NALF1: variants seen among roughly 807,000 people sequenced by gnomAD.
NALF1 encodes NALCN channel auxiliary factor 1.
A neutral mutation model predicts 48.4 loss-of-function variants in NALF1; 3 were observed. The observed-to-expected ratio is 0.06, with a 90% confidence interval of 0.03 to 0.16. The LOEUF is 0.16. Ranked by LOEUF, NALF1 falls within the 10% of genes least tolerant of loss-of-function variation. The pLI is 1.00. For missense variants in NALF1, 526 were observed against 571.5 expected (o/e 0.92, Z 0.81); for synonymous variants, 262 against 245.7 (o/e 1.07, Z -0.62).
chr13:107,343,767 C>T (rs965303055), intron 1 of NALF1, among the ~76,000 whole-genome samples: 3 of 151,484 alleles, frequency 2.0e-5, no homozygotes, highest in East Asian at 1.9e-4. Flanking sequence ...ATCAAAAGAA[C>T]GATCTCAAAT....
chr13:107,336,961 ATC>A (rs1882569750), intron 1 of NALF1, among the ~76,000 whole-genome samples: 2 of 150,906 alleles, frequency 1.3e-5, no homozygotes, highest in Non-Finnish European at 2.9e-5. Flanking sequence ...AATGACAGAA[ATC>A]TCTGTTAGAA....
Position 107,784,012 on chromosome 13 carries a change from G to A in NALF1, c.915+81670C>T, listed in dbSNP as rs1304542366. Reference sequence around the variant, plus strand: ...TACTATGTGCTGATTCCACACAACCGCTCCCCTCAGTGAGTGACTGAGAGA... The same window carrying A: ...TACTATGTGCTGATTCCACACAACCACTCCCCTCAGTGAGTGACTGAGAGA... On this transcript the variant is annotated intron_variant, in intron 1 of 2. Transcript: ENST00000375915. 2.6e-5 allele frequency among the ~76,000 whole-genome samples: 4 copies of A among 152,076 alleles called. No homozygotes were observed. In the East Asian group the frequency reaches 7.7e-4, roughly 29 times the overall value.
rs1213860740 is a variant in NALF1 at position 107,622,480 on chromosome 13, A to C, written c.915+243202T>G. Among the ~76,000 whole-genome samples, 102 of 151,968 alleles carry C rather than the reference A, an allele frequency of 6.7e-4. 2 individuals are homozygous for C. Among genetic ancestry groups the C allele is most frequent in the East Asian group, 9.8e-4 (5 of 5,126 alleles). ...CAAACAACAACAACAACAAAAAAAA[A>C]AAAACAGAGAGAAAAGAAAAGAAAA... On this transcript the variant is annotated intron_variant, in intron 1 of 2. Transcript: ENST00000375915.
intron 1 of NALF1, among the ~76,000 whole-genome samples, chr13:107,633,279 CAT>C (rs1419805977): frequency 1.3e-5 from 2 of 151,790 alleles, no homozygotes; most frequent in East Asian, 3.9e-4. Context: ...CTGAAAATAA[CAT>C]AAAATATTTT....
Position 107,165,040 on chromosome 13 carries a change from C to A in NALF1, c.*5457G>T, listed in dbSNP as rs1266453098. ...TCACGTACAAATACATCATTGACCT[C>A]CCTGTGTCACCTGGAGCCAAAGCTC... On this transcript the variant is annotated 3_prime_UTR_variant, in exon 3 of 3. Transcript: ENST00000375915. The A allele has an allele frequency of 3.3e-5, 5 of 152,196 alleles. No homozygotes were observed. Among genetic ancestry groups the A allele is most frequent in the Admixed American group, 3.3e-4 (5 of 15,288 alleles). The allele number at this position is 152,196 out of a possible 1,614,324, so 9.4% of individuals were successfully genotyped here.
chr13:107,774,694 G>C (rs1383713561), intron 1 of NALF1, among the ~76,000 whole-genome samples: 1 of 152,170 alleles, frequency 6.6e-6, no homozygotes, highest in Non-Finnish European at 1.5e-5. Context: ...CAAAGCTTCA[G>C]TGCTAGGTAG....
intron 1 of NALF1, among the ~76,000 whole-genome samples, chr13:107,835,914 C>A (rs1293211757): frequency 6.6e-6 from 1 of 152,096 alleles, no homozygotes; most frequent in Non-Finnish European, 1.5e-5. Context: ...ATCAGGAGAA[C>A]CAACAAATCT....
chr13:107,634,213 G>C (rs958939474), intron 1 of NALF1, among the ~76,000 whole-genome samples: 1 of 151,982 alleles, frequency 6.6e-6, no homozygotes, highest in African/African-American at 2.4e-5. Context: ...AAAGATGGTG[G>C]GGAGGCAGTG....
intron 1 of NALF1, among the ~76,000 whole-genome samples, chr13:107,623,045 C>T (rs1471853581): frequency 2.6e-5 from 4 of 152,142 alleles, no homozygotes; most frequent in Non-Finnish European, 4.4e-5. Flanking sequence ...CTGTTTCCCA[C>T]GACATGCTCT....
intron 1 of NALF1, among the ~76,000 whole-genome samples, chr13:107,282,290 C>T (rs1881403711): frequency 6.6e-6 from 1 of 152,214 alleles, no homozygotes; most frequent in East Asian, 1.9e-4. Context: ...CAGTGATAAG[C>T]GAATGCTTGC....
At chr13:107,655,547 A>G (rs1880554862) in intron 1 of NALF1, among the ~76,000 whole-genome samples, 1 of 152,154 alleles carries the variant, frequency 6.6e-6, no homozygotes, top group Admixed American at 6.6e-5. Flanking sequence ...ATGCTCATGG[A>G]TGGCTAGAAA....
At chr13:107,175,046 GCTAA>G (rs537975902) in intron 2 of NALF1, among the ~76,000 whole-genome samples, 1 of 66,768 alleles carries the variant, frequency 1.5e-5, no homozygotes, top group East Asian at 3.4e-4. Context: ...ACGACGCCCG[GCTAA>G]CTTTTTTTTT....
At chr13:107,354,327 G>GTC (rs1256044027) in intron 1 of NALF1, among the ~76,000 whole-genome samples, 1 of 152,082 alleles carries the variant, frequency 6.6e-6, no homozygotes, top group East Asian at 1.9e-4. Context: ...CCTGGGCCAT[G>GTC]CAGGAGGAAA....
chr13:107,262,180 C>G (rs924016144), intron 1 of NALF1, among the ~76,000 whole-genome samples: 1 of 152,104 alleles, frequency 6.6e-6, no homozygotes, highest in East Asian at 1.9e-4. Context: ...TTTGGGACAT[C>G]GAGGTGGGTG....
intron 1 of NALF1, among the ~76,000 whole-genome samples, chr13:107,543,521 A>T (rs1488461549): frequency 1.3e-5 from 2 of 152,058 alleles, no homozygotes; most frequent in African/African-American, 4.8e-5. Context: ...ATATACACAT[A>T]TGCTCCTTGA....
At chr13:107,737,812 T>C (rs983978558) in intron 1 of NALF1, among the ~76,000 whole-genome samples, 1 of 152,228 alleles carries the variant, frequency 6.6e-6, no homozygotes, top group Non-Finnish European at 1.5e-5. Context: ...TCTGGGGTTC[T>C]GTATGCCTAA....
At chr13:107,681,942 A>G (rs574043689) in intron 1 of NALF1, among the ~76,000 whole-genome samples, 6 of 152,090 alleles carry the variant, frequency 3.9e-5, no homozygotes, top group Non-Finnish European at 7.4e-5. Flanking sequence ...TCTTCTCACT[A>G]TCTGTCCCAG....
chr13:107,683,026 G>A (rs1427280737), intron 1 of NALF1, among the ~76,000 whole-genome samples: 2 of 152,194 alleles, frequency 1.3e-5, no homozygotes, highest in East Asian at 3.9e-4. Context: ...ACTTTGGGAG[G>A]CTGAGGAGGG....
At chr13:107,498,913 T>C (rs7333460) in intron 1 of NALF1, among the ~76,000 whole-genome samples, 2,004 of 152,156 alleles carry the variant, frequency 0.013, 53 homozygotes, top group African/African-American at 0.046. Context: ...AAAATGCATA[T>C]ATGTAGGAAG....
Sources: allele counts gnomAD v4.1 joint callset (sites outside exome capture counted in the v4.1 genomes callset), GRCh38; gene constraint gnomAD v4.1.1; transcripts MANE v1.5; gene names NCBI Gene and HGNC (gene_info 2026-07-23, HGNC 2026-07-21).